Variants in DPH1 observed in about 807,000 individuals in gnomAD.
DPH1 encodes 2-(3-amino-3-carboxypropyl)histidine synthase subunit 1.
DPH1 carries 59 observed loss-of-function variants against 55.3 expected under a neutral mutation model. The observed-to-expected ratio is 1.07, with a 90% CI of 0.87 to 1.33. DPH1 has a LOEUF of 1.33. Ranked by LOEUF, DPH1 falls within the 40% of genes most tolerant of loss-of-function variation. DPH1 has a pLI of 0.00. For synonymous variants in DPH1, 238 were observed against 235.5 expected (o/e 1.01, Z -0.10); for missense variants, 628 against 584.8 (o/e 1.07, Z -0.76).
At chr17:2,042,368 C>G in intron 12 of DPH1, 4 of 1,323,592 alleles carry the variant, frequency 3.0e-6, no homozygotes, top group Non-Finnish European at 2.9e-6. Flanking sequence ...TTCTCGCGAC[C>G]CATACCCTCT....
At position 2,039,836 on chromosome 17, in the gene DPH1, C is replaced by G; in HGVS notation, c.749+13C>G. Reference sequence around the variant, plus strand: ...TCCCCGCTTACCGGTATGGGCTGGGCCGGGCTGGGCTGACCAGCTGGTGAG... The same window carrying G: ...TCCCCGCTTACCGGTATGGGCTGGGGCGGGCTGGGCTGACCAGCTGGTGAG... On this transcript the variant is annotated intron_variant, in intron 7 of 12. Transcript: ENST00000263083. The G allele has an allele frequency of 1.9e-6, 3 of 1,613,928 alleles. No homozygotes were observed. The highest frequency in any genetic ancestry group is 2.5e-6 in the Non-Finnish European group (3 of 1,179,978).
At chr17:2,042,249 C>A (rs368310716) in intron 12 of DPH1, 2 of 1,411,880 alleles carry the variant, frequency 1.4e-6, no homozygotes, top group East Asian at 2.8e-5. Flanking sequence ...AAGCCCCGCT[C>A]CGGAAACGCA....
In DPH1 at chr17:2,041,511, C is replaced by T; in HGVS notation, c.1117C>T (p.Gln373Ter). 1 of 1,612,070 alleles carries T rather than the reference C, an allele frequency of 6.2e-7. No individual in the cohort carries two copies. Among genetic ancestry groups the T allele is most frequent in the Non-Finnish European group, 8.5e-7 (1 of 1,179,278 alleles). The change falls in exon 11 of 13, where the codon CAG (glutamine) becomes TAG (stop). Residue 373 changes from glutamine (Q) to a stop codon, truncating the protein, a stop_gained. Coordinates refer to ENST00000263083, the MANE Select transcript of DPH1 (RefSeq NM_001383.6). LOFTEE classifies it high-confidence loss of function. ...CGTGGCTCTGAGGGACATTTCCTGG[C>T]AGCAGCCCTACCCGATGGACTTCTA... The part of the protein sequence containing the change: ...AAVALRDISW[Q>*]QPYPMDFYAG...
rs1157246939 is a variant in DPH1 at position 2,042,994 on chromosome 17, A to G, written c.*408A>G. The G allele has an allele frequency of 6.2e-7, 1 of 1,613,900 alleles. No homozygotes were observed. Among genetic ancestry groups the G allele is most frequent in the Non-Finnish European group, 8.5e-7 (1 of 1,179,936 alleles). ...CTCTCAGGAGAGTGTGCAACTGGCC[A>G]GCCAATTTCCCGGAGCCATCACCCT... is the stretch of plus-strand genomic sequence containing the variant. On this transcript the variant is annotated 3_prime_UTR_variant, in exon 13 of 13. Transcript: ENST00000263083.
rs1438776281 is a variant in DPH1 at position 2,034,665 on chromosome 17, C to T, written c.278+823C>T. Among the ~76,000 whole-genome samples, 26 of 15,112 alleles carry T rather than the reference C, an allele frequency of 1.7e-3. 2 individuals carry two copies. The highest frequency in any genetic ancestry group is 7.7e-3 in the African/African-American group (22 of 2,854). 9.9% of individuals were successfully genotyped at this position (15,112 alleles called of 152,430 possible). The stretch of plus-strand genomic sequence containing the variant: ...TTCCCCCTCCCCTGCTCCCCCTCCC[C>T]TCCCCTGCTCCCCATCCCCCTCCCC... On this transcript the variant is annotated intron_variant, in intron 3 of 12. Transcript: ENST00000263083.
rs187721672 is a variant in DPH1, at chr17:2,040,307, G to T, written c.839G>T (p.Arg280Leu). 3 of 1,614,034 alleles carry T rather than the reference G, an allele frequency of 1.9e-6. No individual in the cohort carries two copies. Among genetic ancestry groups the T allele is most frequent in the South Asian group, 2.2e-5 (2 of 91,082 alleles). Residue 280 changes from arginine to leucine, a missense_variant, in exon 8 of 13, where the codon CGC becomes CTC. Transcript: ENST00000263083. ...AARQEAIATA[R>L]SAKSWGLILG... The stretch of plus-strand genomic sequence containing the variant: ...CGCCAAGAAGCCATAGCCACTGCCC[G>T]CTCAGCTAAGTCCTGGGGCCTTATT...
chr17:2,041,348 C>A, intron 10 of DPH1, 133 bp from the exon 11 acceptor site: 2 of 1,463,384 alleles, frequency 1.4e-6, no homozygotes, highest in Non-Finnish European at 1.9e-6. Flanking sequence ...TTAGGCAAGG[C>A]CCTGAACCAC....
In DPH1 at chr17:2,042,159, G is replaced by A. The variant is rs754335335; in HGVS notation, c.*18+284G>A. 7 of 1,495,096 alleles carry A rather than the reference G, an allele frequency of 4.7e-6. No homozygotes were observed. In the Admixed American group the frequency reaches 1.2e-4, roughly 25 times the overall value. The allele number at this position is 1,495,096 out of a possible 1,614,324, so 92.6% of individuals were successfully genotyped here. A position where few individuals can be genotyped will look rare whatever the true frequency, so the allele number is the denominator to read the frequency against. Reference sequence around the variant, plus strand: ...GAGGAAGGCGCTGCGGGGTCGCGCCGAGCTCGTGTGCCTCAGCGGCCCGCA... The same window carrying A: ...GAGGAAGGCGCTGCGGGGTCGCGCCAAGCTCGTGTGCCTCAGCGGCCCGCA... On this transcript the variant is annotated intron_variant, in intron 12 of 12. Transcript: ENST00000263083.
intron 11 of DPH1, 46 bp from the exon 12 acceptor site, chr17:2,041,722 C>T (rs2151356693): frequency 6.3e-7 from 1 of 1,582,666 alleles, no homozygotes; most frequent in South Asian, 1.1e-5. Context: ...CGGAGGGAAA[C>T]GCAGGGTCGC....
intron 12 of DPH1, chr17:2,042,135 A>AGGAAGGCGCTGC: frequency 6.5e-7 from 1 of 1,549,900 alleles, no homozygotes; most frequent in East Asian, 2.5e-5. Context: ...CGGGGCGCTG[A>AGGAAGGCGCTGC]GGAAGGCGCT....
At chr17:2,033,391 T>C in intron 1 of DPH1, 114 bp from the exon 2 acceptor site, 1 of 1,533,790 alleles carries the variant, frequency 6.5e-7, no homozygotes, top group Middle Eastern at 1.7e-4. Flanking sequence ...CTCAAAATTT[T>C]TATTTCTATG....
rs147982466 is a variant in DPH1 at position 2,042,887 on chromosome 17, T to C, written c.*301T>C. ...GTGTCTGGTTTCTGTCCCCGGGGCA[T>C]TGGGTTCAAGGAATCCATCCTGCAA... is the stretch of plus-strand genomic sequence containing the variant. On this transcript the variant is annotated 3_prime_UTR_variant, in exon 13 of 13. Transcript: ENST00000263083. The C allele has an allele frequency of 1.7e-5, 28 of 1,614,184 alleles. No homozygotes were observed. The highest frequency in any genetic ancestry group is 1.7e-4 in the African/African-American group (13 of 75,068).
chr17:2,041,933 G>A (rs2067537113), intron 12 of DPH1, 58 bp downstream of exon 12: 1 of 1,528,872 alleles, frequency 6.5e-7, no homozygotes, highest in African/African-American at 1.4e-5. Flanking sequence ...GGAACGCCTT[G>A]GCGCTCCGAG....
At chr17:2,039,729 A>C in intron 6 of DPH1, 26 bp from the exon 7 acceptor site, 1 of 1,613,790 alleles carries the variant, frequency 6.2e-7, no homozygotes, top group Non-Finnish European at 8.5e-7. Flanking sequence ...CCTAAACCAC[A>C]CTTAGCCTCC....
intron 3 of DPH1, among the ~76,000 whole-genome samples, chr17:2,034,205 C>T (rs965511602): frequency 4.0e-5 from 6 of 149,558 alleles, no homozygotes; most frequent in East Asian, 4.0e-4. Flanking sequence ...GTCTGCCGGT[C>T]GGGGGCGGTG....
chr17:2,042,365 G>A, intron 12 of DPH1: 2 of 1,323,464 alleles, frequency 1.5e-6, no homozygotes, highest in Non-Finnish European at 2.0e-6. Flanking sequence ...CATTTCTCGC[G>A]ACCCATACCC....
intron 3 of DPH1, 74 bp downstream of exon 3, chr17:2,033,916 A>G: frequency 6.4e-7 from 1 of 1,571,112 alleles, no homozygotes; most frequent in Non-Finnish European, 8.7e-7. Context: ...CCGGGTGGGT[A>G]AAGCCCTGGT....
At chr17:2,041,422 G>C (rs1048518438) in intron 10 of DPH1, 59 bp from the exon 11 acceptor site, 1 of 1,561,570 alleles carries the variant, frequency 6.4e-7, no homozygotes, top group African/African-American at 1.4e-5. Context: ...ACTGAATTCA[G>C]TAATCCAGGG....
Position 2,036,413 on chromosome 17 carries a change from G to C in DPH1, c.401-116G>C. The C allele has an allele frequency of 1.5e-6, 2 of 1,363,794 alleles. No individual in the cohort carries two copies. Among genetic ancestry groups the C allele is most frequent in the Non-Finnish European group, 2.0e-6 (2 of 983,898 alleles). The allele number at this position is 1,363,794 out of a possible 1,614,324, so 84.5% of individuals were successfully genotyped here. A position where few individuals can be genotyped will look rare whatever the true frequency, so the allele number is the denominator to read the frequency against. ...TGTGACCCCCCTCTTCTCCTACCCTGTCCTTTTACCCCCAGGCTGAAGCCA... is the reference window on the plus strand; with the variant it reads ...TGTGACCCCCCTCTTCTCCTACCCTCTCCTTTTACCCCCAGGCTGAAGCCA... On this transcript the variant is annotated intron_variant, in intron 4 of 12. Coordinates refer to ENST00000263083, the MANE Select transcript of DPH1 (RefSeq NM_001383.6). This position sits in a 1 kb window ranked among gnomAD's most constrained non-coding sequence, Gnocchi z 4.8.
Sources: gnomAD v4.1 joint callset for allele counts (sites outside exome capture counted in the v4.1 genomes callset) on GRCh38, gnomAD v4.1.1 for gene constraint, Gnocchi (gnomAD v3.1) non-coding constraint, MANE v1.5 for transcripts, NCBI Gene and HGNC (gene_info 2026-07-23, HGNC 2026-07-21) for gene names.